The following SYNPR variants were observed in gnomAD, a reference collection of about 807,000 sequenced individuals.
The protein encoded by SYNPR is synaptoporin.
SYNPR carries 23 observed loss-of-function variants against 32.9 expected under a neutral mutation model. The observed-to-expected ratio is 0.70, with a 90% CI of 0.50 to 0.99. The LOEUF is 0.99. Ranked by LOEUF, SYNPR falls within the 50% of genes least tolerant of loss-of-function variation. The pLI, the probability that SYNPR is intolerant of heterozygous loss-of-function variation, is 0.00. For synonymous variants in SYNPR, 146 were observed against 135.9 expected, an observed-to-expected ratio of 1.07 and a Z score of -0.52; for missense variants, 318 against 349.3, an observed-to-expected ratio of 0.91 and a Z score of 0.71.
At chr3:63,510,697 G>C (rs1013833022) in intron 3 of SYNPR, among the ~76,000 whole-genome samples, 1 of 152,120 alleles carries the variant, frequency 6.6e-6, no homozygotes, top group Non-Finnish European at 1.5e-5. Context: ...CAAGGCGTGT[G>C]AATTTTGTTT....
chr3:63,350,562 G>A (rs2087493746), intron 2 of SYNPR, among the ~76,000 whole-genome samples: 1 of 152,234 alleles, frequency 6.6e-6, no homozygotes, highest in African/African-American at 2.4e-5. Flanking sequence ...GCACTTTGCA[G>A]TGAAGAGAAG....
intron 4 of SYNPR, among the ~76,000 whole-genome samples, chr3:63,593,694 C>T (rs543663068): frequency 6.6e-6 from 1 of 152,300 alleles, no homozygotes; most frequent in South Asian, 2.1e-4. Flanking sequence ...CCAGATTCTT[C>T]ACGCATAAAA....
intron 2 of SYNPR, among the ~76,000 whole-genome samples, chr3:63,254,733 T>A (rs1390963665): frequency 6.6e-6 from 1 of 152,180 alleles, no homozygotes; most frequent in Non-Finnish European, 1.5e-5. Context: ...ATTTGTACGT[T>A]GGAGTCCTAA....
At chr3:63,337,824 C>T (rs999503736) in intron 2 of SYNPR, among the ~76,000 whole-genome samples, 1 of 151,816 alleles carries the variant, frequency 6.6e-6, no homozygotes, top group Non-Finnish European at 1.5e-5. Flanking sequence ...ACTATAGAAA[C>T]CAAAAAAAGA....
chr3:63,426,012 C>A (rs1419164927), intron 2 of SYNPR, among the ~76,000 whole-genome samples: 1 of 152,026 alleles, frequency 6.6e-6, no homozygotes, highest in Non-Finnish European at 1.5e-5. Flanking sequence ...GTCTTGAACT[C>A]CTGACCTTGT....
chr3:63,604,316 T>C (rs1246385099), intron 4 of SYNPR, among the ~76,000 whole-genome samples: 1 of 152,172 alleles, frequency 6.6e-6, no homozygotes, highest in Non-Finnish European at 1.5e-5. Flanking sequence ...CATTGATCTT[T>C]TGTATGGTTT....
chr3:63,410,680 A>C (rs982238311), intron 2 of SYNPR, among the ~76,000 whole-genome samples: 26 of 152,166 alleles, frequency 1.7e-4, no homozygotes, highest in African/African-American at 6.3e-4. Flanking sequence ...ACTCACTTCC[A>C]GCCTCCTCTG....
chr3:63,570,037 T>C (rs953379584), intron 4 of SYNPR, among the ~76,000 whole-genome samples: 3 of 152,114 alleles, frequency 2.0e-5, no homozygotes, highest in Non-Finnish European at 4.4e-5. Context: ...ATTGGCTTTG[T>C]TTGTTTGTTT....
At chr3:63,586,405 A>G (rs1289956542) in intron 4 of SYNPR, among the ~76,000 whole-genome samples, 1 of 152,096 alleles carries the variant, frequency 6.6e-6, no homozygotes, top group East Asian at 1.9e-4. Context: ...AAATCATGCC[A>G]GAATTTTCAA....
At chr3:63,520,115 C>A (rs1244660953) in intron 3 of SYNPR, among the ~76,000 whole-genome samples, 2 of 152,142 alleles carry the variant, frequency 1.3e-5, no homozygotes, top group African/African-American at 4.8e-5. Context: ...TTCTTTACAG[C>A]ATAATTTTAA....
intron 2 of SYNPR, among the ~76,000 whole-genome samples, chr3:63,387,199 G>A (rs2088057472): frequency 6.6e-6 from 1 of 152,120 alleles, no homozygotes; most frequent in Non-Finnish European, 1.5e-5. Context: ...ATTTGCATAT[G>A]ACCATTACAA....
the SYNPR span, among the ~76,000 whole-genome samples, chr3:63,209,315 C>CAA: frequency 0.031 from 3,165 of 103,028 alleles, 231 homozygotes; most frequent in African/African-American, 0.092. Flanking sequence ...GACTCCGTCT[C>CAA]AAAAAAAAAA....
At chr3:63,217,317 G>A in the SYNPR span, among the ~76,000 whole-genome samples, 3 of 46,394 alleles carry the variant, frequency 6.5e-5, no homozygotes, top group Admixed American at 7.4e-4. Flanking sequence ...CCTCGTTGCC[G>A]CCTTGCAGTT....
chr3:63,396,670 T>C (rs993645300), intron 2 of SYNPR, among the ~76,000 whole-genome samples: 3 of 152,214 alleles, frequency 2.0e-5, no homozygotes, highest in Admixed American at 1.3e-4. Context: ...ACTTAAAATC[T>C]GACATAGATG....
chr3:63,611,509 T>C (rs759079292), intron 5 of SYNPR, among the ~76,000 whole-genome samples: 2 of 152,182 alleles, frequency 1.3e-5, no homozygotes, highest in East Asian at 1.9e-4. Flanking sequence ...CTGAAAATAG[T>C]TGGAAAGACA....
At chr3:63,564,493 C>G (rs1424763392) in intron 4 of SYNPR, among the ~76,000 whole-genome samples, 1 of 125,918 alleles carries the variant, frequency 7.9e-6, no homozygotes. Flanking sequence ...CCGTGCCCAG[C>G]CGGTGTGTGT....
chr3:63,445,575 T>C lies in SYNPR; in HGVS notation c.85-35257T>C. 5.7e-6 allele frequency: 4 copies of C among 701,094 alleles called. No individual in the cohort carries two copies. In the East Asian group the frequency reaches 8.1e-5, roughly 14 times the overall value. 43.4% of individuals were successfully genotyped at this position (701,094 alleles called of 1,614,324 possible). ...GAAGAATGCAAGAGTCATTTCCATT[T>C]AGTAAGTACATCCTATATGCCTGGC... On this transcript the variant is annotated intron_variant, in intron 2 of 5. Transcript: ENST00000478300.
chr3:63,572,022 C>T (rs1325291167), intron 4 of SYNPR, among the ~76,000 whole-genome samples: 2 of 152,174 alleles, frequency 1.3e-5, no homozygotes. Context: ...GAATGAACTC[C>T]AAGCTCCAAT....
Position 63,498,512 on chromosome 3 carries a change from T to C in SYNPR, c.209+17556T>C, listed in dbSNP as rs1350080382. On this transcript the variant is annotated intron_variant, in intron 3 of 5. Transcript: ENST00000478300. ...TTAAACAGAGTGATGTGATGAATAA[T>C]TGGGGAAACGTTGGCAAAGAGATCC... 9.2e-5 allele frequency among the ~76,000 whole-genome samples: 14 copies of C among 152,032 alleles called. No individual in the cohort carries two copies. The East Asian group carries it at 2.5e-3, about 27-fold the overall frequency.
Sources: gnomAD v4.1 joint callset for allele counts (sites outside exome capture counted in the v4.1 genomes callset) on GRCh38, gnomAD v4.1.1 for gene constraint, MANE v1.5 for transcripts, NCBI Gene and HGNC (gene_info 2026-07-23, HGNC 2026-07-21) for gene names.